The following CLDN10 variants were observed in gnomAD, a reference collection of about 807,000 sequenced individuals.
CLDN10 encodes claudin 10.
In CLDN10, 15 loss-of-function variants were observed where a neutral mutation model predicts 22.9. The observed-to-expected ratio is 0.65, with a 90% confidence interval of 0.44 to 1.01. The LOEUF is 1.01. Ranked by LOEUF, CLDN10 falls within the 50% of genes least tolerant of loss-of-function variation. CLDN10 has a pLI of 0.00. For missense variants in CLDN10, 247 were observed against 287.8 expected (o/e 0.86, Z 1.03); for synonymous variants, 114 against 111.4 (o/e 1.02, Z -0.15).
chr13:95,540,110 G>A (rs1172470149), intron 1 of CLDN10, among the ~76,000 whole-genome samples: 1 of 152,030 alleles, frequency 6.6e-6, no homozygotes, highest in Non-Finnish European at 1.5e-5. Flanking sequence ...GACCAGCCTG[G>A]CCAATATGAT....
In CLDN10 at chr13:95,532,792, C is replaced by CAAAAAAAAAAAAA. The variant is rs57500288; in HGVS notation, c.215-27330_215-27318dup. Among the ~76,000 whole-genome samples, 166 of 61,956 alleles carry CAAAAAAAAAAAAA rather than the reference C, an allele frequency of 2.7e-3. 5 individuals are homozygous for CAAAAAAAAAAAAA. The highest frequency in any genetic ancestry group is 4.1e-3 in the East Asian group (7 of 1,718). The allele number at this position is 61,956 out of a possible 152,430, so 40.6% of individuals were successfully genotyped here. On this transcript the variant is annotated intron_variant, in intron 1 of 4. Transcript: ENST00000376873. ...CTTCAGATACTGGAACTCAATTCAG[C>CAAAAAAAAAAAAA]AAAAAAAAAAAAAAAAAAAAAAGAA...
At chr13:95,522,819 T>A (rs1187499499) in intron 1 of CLDN10, among the ~76,000 whole-genome samples, 1 of 152,090 alleles carries the variant, frequency 6.6e-6, no homozygotes, top group Non-Finnish European at 1.5e-5. Flanking sequence ...TCTTTAACTG[T>A]GTGATGATGC....
chr13:95,461,201 C>T (rs890252940), intron 1 of CLDN10, among the ~76,000 whole-genome samples: 3 of 152,208 alleles, frequency 2.0e-5, no homozygotes, highest in Non-Finnish European at 4.4e-5. Flanking sequence ...CCACCTCAGC[C>T]TCCTAAAGTG....
chr13:95,476,233 G>A (rs2042685004), intron 1 of CLDN10, among the ~76,000 whole-genome samples: 1 of 152,198 alleles, frequency 6.6e-6, no homozygotes, highest in Non-Finnish European at 1.5e-5. Flanking sequence ...TGGTGTCTTA[G>A]TCTGTTCAGG....
chr13:95,471,095 A>G (rs1322417740), intron 1 of CLDN10, among the ~76,000 whole-genome samples: 1 of 152,164 alleles, frequency 6.6e-6, no homozygotes, highest in African/African-American at 2.4e-5. Flanking sequence ...ACAGAGGATT[A>G]GAAGCCACTC....
intron 1 of CLDN10, among the ~76,000 whole-genome samples, chr13:95,517,091 C>A: frequency 7.8e-6 from 1 of 127,430 alleles, no homozygotes; most frequent in Non-Finnish European, 1.7e-5. Flanking sequence ...TCCCTGTCCT[C>A]CTCCCTCCCG....
Position 95,560,145 on chromosome 13 carries a change from A to G in CLDN10, c.234A>G (p.Ala78=). The G allele has an allele frequency of 2.5e-6, 4 of 1,613,946 alleles. No homozygotes were observed. Among genetic ancestry groups the G allele is most frequent in the Non-Finnish European group, 3.4e-6 (4 of 1,179,856 alleles). ...CTCTAATTGCAGGTTATATACAGGC[A>G]TGTAGAGGACTTATGATCGCTGCTG... ...SMLALDGYIQ[A]CRGLMIAAVS... Residue 78 remains alanine (A), a synonymous_variant, in exon 2 of 5, where the codon GCA becomes GCG. Coordinates refer to ENST00000299339, the MANE Select transcript of CLDN10 (RefSeq NM_006984.5).
intron 1 of CLDN10, among the ~76,000 whole-genome samples, chr13:95,546,638 G>C (rs1253443473): frequency 2.0e-5 from 3 of 152,122 alleles, no homozygotes; most frequent in Non-Finnish European, 4.4e-5. Context: ...TGGTAACTTG[G>C]GACTTCTGAG....
chr13:95,576,165 G>A (rs1000282077), intron 3 of CLDN10, among the ~76,000 whole-genome samples: 20 of 152,130 alleles, frequency 1.3e-4, no homozygotes, highest in Middle Eastern at 3.2e-3. Flanking sequence ...ATCTGATACC[G>A]AAGCCTGGCC....
At chr13:95,472,291 TC>T (rs1461051967) in intron 1 of CLDN10, among the ~76,000 whole-genome samples, 3 of 151,948 alleles carry the variant, frequency 2.0e-5, no homozygotes, top group Non-Finnish European at 4.4e-5. Context: ...TTTTTCAAAC[TC>T]CAGATACTGA....
chr13:95,504,294 A>G (rs2043015346), intron 1 of CLDN10, among the ~76,000 whole-genome samples: 1 of 152,250 alleles, frequency 6.6e-6, no homozygotes, highest in Non-Finnish European at 1.5e-5. Context: ...TTACTTCTGC[A>G]AGAAACATTA....
chr13:95,537,522 T>C (rs982036975), intron 1 of CLDN10, among the ~76,000 whole-genome samples: 1 of 152,186 alleles, frequency 6.6e-6, no homozygotes, highest in African/African-American at 2.4e-5. Flanking sequence ...GTCATAAATA[T>C]GAACTATGCA....
At chr13:95,510,015 T>TCTAAACTAC (rs1187495685) in intron 1 of CLDN10, among the ~76,000 whole-genome samples, 11 of 152,204 alleles carry the variant, frequency 7.2e-5, no homozygotes, top group Non-Finnish European at 1.2e-4. Flanking sequence ...CTTGGCTGAT[T>TCTAAACTAC]CTAAACTACC....
chr13:95,464,230 C>A (rs1339645220), intron 1 of CLDN10, among the ~76,000 whole-genome samples: 1 of 152,008 alleles, frequency 6.6e-6, no homozygotes, highest in Non-Finnish European at 1.5e-5. Flanking sequence ...TTAGGTTTAT[C>A]TCCTAATGCT....
At chr13:95,472,478 T>G (rs1310806448) in intron 1 of CLDN10, among the ~76,000 whole-genome samples, 6 of 151,982 alleles carry the variant, frequency 3.9e-5, no homozygotes, top group Admixed American at 3.9e-4. Context: ...GGTCAGGAGT[T>G]TGAGACCAGT....
intron 1 of CLDN10, among the ~76,000 whole-genome samples, chr13:95,438,861 C>T (rs1301975691): frequency 6.6e-6 from 1 of 151,726 alleles, no homozygotes; most frequent in Non-Finnish European, 1.5e-5. Context: ...TCCCTGTAGT[C>T]CCCGCTCTTT....
At chr13:95,501,852 G>C (rs34936312) in intron 1 of CLDN10, among the ~76,000 whole-genome samples, 1 of 152,092 alleles carries the variant, frequency 6.6e-6, no homozygotes, top group African/African-American at 2.4e-5. Flanking sequence ...ATTTGTTCCA[G>C]CTGCTTTTTG....
chr13:95,485,175 A>G (rs2042792815), intron 1 of CLDN10, among the ~76,000 whole-genome samples: 1 of 152,072 alleles, frequency 6.6e-6, no homozygotes. Flanking sequence ...CAGGCTTTGT[A>G]GTAACAAGAG....
At chr13:95,506,811 C>T (rs2043043361) in intron 1 of CLDN10, among the ~76,000 whole-genome samples, 1 of 152,104 alleles carries the variant, frequency 6.6e-6, no homozygotes, top group Non-Finnish European at 1.5e-5. Context: ...AGGAGGGTTG[C>T]CACCCCACAA....
Sources: allele counts gnomAD v4.1 joint callset (sites outside exome capture counted in the v4.1 genomes callset), GRCh38; gene constraint gnomAD v4.1.1; transcripts MANE v1.5; gene names NCBI Gene and HGNC (gene_info 2026-07-23, HGNC 2026-07-21).